The following NME9 variants were observed in gnomAD, a reference collection of about 807,000 sequenced individuals.
NME9 encodes NME/NM23 family member 9.
NME9 carries 48 observed loss-of-function variants against 44.4 expected under a neutral mutation model. The observed-to-expected ratio is 1.08, with a 90% CI of 0.86 to 1.37. The LOEUF (loss-of-function observed/expected upper bound fraction) is 1.37. Ranked by LOEUF, NME9 falls within the 40% of genes most tolerant of loss-of-function variation. The pLI is 0.00. For missense variants in NME9, 325 were observed against 405.2 expected (o/e 0.80, Z 1.70); for synonymous variants, 139 against 147.1 (o/e 0.94, Z 0.40).
intron 8 of NME9, 91 bp downstream of exon 8, chr3:138,305,913 C>T: frequency 1.1e-6 from 1 of 886,864 alleles, no homozygotes; most frequent in South Asian, 1.4e-5. Flanking sequence ...TTCATAATTT[C>T]TTCTGTCACA....
intron 8 of NME9, among the ~76,000 whole-genome samples, chr3:138,275,592 T>C (rs760843384): frequency 1.3e-5 from 2 of 151,866 alleles, no homozygotes; most frequent in East Asian, 1.9e-4. Context: ...TGTAGACATA[T>C]AGGTATGTCT....
chr3:138,274,894 C>T (rs74737058), intron 8 of NME9, among the ~76,000 whole-genome samples: 58 of 152,230 alleles, frequency 3.8e-4, no homozygotes, highest in African/African-American at 1.3e-3. Context: ...TAGCCCTCTC[C>T]GCCGCCATGC....
At chr3:138,317,256 A>G (rs1211949755) in intron 4 of NME9, among the ~76,000 whole-genome samples, 1 of 152,224 alleles carries the variant, frequency 6.6e-6, no homozygotes, top group Non-Finnish European at 1.5e-5. Context: ...TCCAAAGCTC[A>G]AATAATGTTT....
downstream of NME9, among the ~76,000 whole-genome samples, chr3:138,299,400 A>G (rs1346552693): frequency 2.0e-5 from 3 of 152,024 alleles, no homozygotes; most frequent in African/African-American, 7.3e-5. Flanking sequence ...TCAGGCACTC[A>G]CACCCAGGAG....
chr3:138,295,563 A>T (rs2108408484), intron 8 of NME9, among the ~76,000 whole-genome samples: 1 of 152,346 alleles, frequency 6.6e-6, no homozygotes, highest in African/African-American at 2.4e-5. Context: ...ACAAAAGAAA[A>T]CATAGAATGT....
chr3:138,286,936 G>A (rs1462883130), intron 8 of NME9, among the ~76,000 whole-genome samples: 2 of 152,102 alleles, frequency 1.3e-5, no homozygotes, highest in African/African-American at 4.8e-5. Flanking sequence ...CTCCAGCTCT[G>A]TCCCCTCATT....
chr3:138,283,469 T>C (rs1398231385), intron 8 of NME9, among the ~76,000 whole-genome samples: 1 of 152,246 alleles, frequency 6.6e-6, no homozygotes, highest in Non-Finnish European at 1.5e-5. Context: ...GCCTTCTCTA[T>C]TCTCTGTTTA....
At chr3:138,295,981 C>T in intron 8 of NME9, 1 of 1,439,328 alleles carries the variant, frequency 6.9e-7, no homozygotes, top group Non-Finnish European at 9.6e-7. Flanking sequence ...TCTATTTGCA[C>T]AAGTCACCTT....
At chr3:138,284,041 C>T (rs1354310543) in intron 8 of NME9, among the ~76,000 whole-genome samples, 1 of 152,144 alleles carries the variant, frequency 6.6e-6, no homozygotes, top group Non-Finnish European at 1.5e-5. Context: ...AGAGCTTCCA[C>T]CAAAGAGACT....
intron 8 of NME9, among the ~76,000 whole-genome samples, chr3:138,269,724 CTG>C (rs2108292239): frequency 6.6e-6 from 1 of 151,538 alleles, no homozygotes; most frequent in Admixed American, 6.6e-5. Flanking sequence ...TCATAAGGGT[CTG>C]TGTGAAATGT....
At chr3:138,299,316 G>A (rs967656241), downstream of NME9, among the ~76,000 whole-genome samples, 1 of 152,160 alleles carries the variant, frequency 6.6e-6, no homozygotes, top group African/African-American at 2.4e-5. Flanking sequence ...TCTGCCCTCA[G>A]GCTGAGTGGA....
At chr3:138,272,659 G>T (rs189760781) in intron 8 of NME9, among the ~76,000 whole-genome samples, 2 of 152,288 alleles carry the variant, frequency 1.3e-5, no homozygotes, top group South Asian at 4.1e-4. Flanking sequence ...AGTGGATCAC[G>T]AGGTCAGGAG....
intron 8 of NME9, among the ~76,000 whole-genome samples, chr3:138,293,712 C>T (rs966757047): frequency 5.9e-5 from 9 of 152,198 alleles, no homozygotes; most frequent in African/African-American, 9.7e-5. Context: ...TGGGCTCTGT[C>T]AGCCCATCTT....
At chr3:138,304,787 G>T in intron 9 of NME9, 86 bp downstream of exon 9, 1 of 1,330,394 alleles carries the variant, frequency 7.5e-7, no homozygotes, top group Non-Finnish European at 1.1e-6. Flanking sequence ...TGTTACCCAT[G>T]ATTCTAGGCT....
chr3:138,276,986 C>G (rs538660629), intron 8 of NME9, among the ~76,000 whole-genome samples: 2 of 152,060 alleles, frequency 1.3e-5, no homozygotes, highest in African/African-American at 4.8e-5. Flanking sequence ...AAAACAGGAA[C>G]AATTGGAGGA....
intron 8 of NME9, chr3:138,287,877 A>G (rs978720406): frequency 3.4e-6 from 1 of 295,244 alleles, no homozygotes; most frequent in Non-Finnish European, 6.8e-6. Context: ...TTATTGACCA[A>G]TAGGACAATC....
downstream of NME9, chr3:138,300,919 T>G: frequency 3.7e-6 from 1 of 267,094 alleles, no homozygotes; most frequent in Non-Finnish European, 5.8e-6. Flanking sequence ...TGCCTCGGCA[T>G]CAGTGTGCCT....
chr3:138,316,860 C>A (rs2053121716), intron 4 of NME9, among the ~76,000 whole-genome samples: 1 of 152,174 alleles, frequency 6.6e-6, no homozygotes, highest in South Asian at 2.1e-4. Context: ...GGTGATCTGC[C>A]TACCTTGGCC....
intron 8 of NME9, chr3:138,274,300 T>C (rs2049066649): frequency 1.7e-6 from 1 of 575,732 alleles, no homozygotes; most frequent in Non-Finnish European, 3.1e-6. Flanking sequence ...CAAAATATAA[T>C]AAACACTGTT....
Sources: gnomAD v4.1 joint callset for allele counts (sites outside exome capture counted in the v4.1 genomes callset) on GRCh38, gnomAD v4.1.1 for gene constraint, MANE v1.5 for transcripts, NCBI Gene and HGNC (gene_info 2026-07-23, HGNC 2026-07-21) for gene names.